RAB3IL1: variants seen among roughly 807,000 people sequenced by gnomAD.
RAB3IL1 encodes the protein RAB3A interacting protein like 1, also known as guanine nucleotide exchange factor for Rab-3A.
Under a neutral mutation model 49.2 loss-of-function variants are expected in RAB3IL1, and 37 were observed. The ratio of observed to expected loss-of-function variants is 0.75; its 90% CI spans 0.58 to 0.99. RAB3IL1 has a LOEUF of 0.99. Ranked by LOEUF, RAB3IL1 falls within the 50% of genes least tolerant of loss-of-function variation. The pLI is 0.00. For missense variants in RAB3IL1, 484 were observed against 513.0 expected, an observed-to-expected ratio of 0.94 and a Z score of 0.55; for synonymous variants, 193 against 213.9, an observed-to-expected ratio of 0.90 and a Z score of 0.85.
upstream of RAB3IL1, chr11:61,919,900 C>T (rs984395389): frequency 7.8e-5 from 39 of 497,128 alleles, no homozygotes; most frequent in East Asian, 1.4e-3. Context: ...GAGCTTCAGT[C>T]TCCACCTCTG....
Position 61,897,861 on chromosome 11 carries a change from C to CT in RAB3IL1, c.*416dup, listed in dbSNP as rs1280702289. On this transcript the variant is annotated 3_prime_UTR_variant, in exon 10 of 10. Coordinates refer to ENST00000394836, the MANE Select transcript of RAB3IL1 (RefSeq NM_013401.4). ...CTTGGCAGCTGGGGTGGAGGGTACCCTGGAGATCCAGCCACCCAGAACAGT... is the reference window on the plus strand; with the variant it reads ...CTTGGCAGCTGGGGTGGAGGGTACCCTTGGAGATCCAGCCACCCAGAACAGT... 5.9e-5 allele frequency: 10 copies of CT among 170,610 alleles called. No individual in the cohort carries two copies. The East Asian group carries it at 1.4e-3, about 24-fold the overall frequency. The allele number at this position is 170,610 out of a possible 1,614,324, so 10.6% of individuals were successfully genotyped here. A position where few individuals can be genotyped will look rare whatever the true frequency, so the allele number is the denominator to read the frequency against.
chr11:61,927,185 C>A, the RAB3IL1 span, among the ~76,000 whole-genome samples: 1 of 152,150 alleles, frequency 6.6e-6, no homozygotes, highest in South Asian at 2.1e-4. Context: ...CCCTCCATCT[C>A]TCTCTTTTTC....
chr11:61,901,564 C>T (rs1024641513), intron 8 of RAB3IL1, among the ~76,000 whole-genome samples: 11 of 152,366 alleles, frequency 7.2e-5, no homozygotes, highest in African/African-American at 2.6e-4. Flanking sequence ...CATCCCATGA[C>T]ATTTCATACA....
intron 4 of RAB3IL1, 40 bp downstream of exon 4, chr11:61,907,353 G>A (rs747372755): frequency 3.8e-5 from 61 of 1,601,568 alleles, no homozygotes; most frequent in Non-Finnish European, 5.1e-6. Flanking sequence ...AGGCAGGGGG[G>A]GTGCCTGGGC....
chr11:61,899,640 A>G (rs978036196), intron 8 of RAB3IL1: 20 of 433,756 alleles, frequency 4.6e-5, no homozygotes, highest in Admixed American at 1.8e-4. Context: ...TCCATCTTAC[A>G]TGGGGGAAAG....
chr11:61,906,975 G>A lies in RAB3IL1; in HGVS notation c.439-291C>T, dbSNP rs372207959. 3.9e-5 allele frequency among the ~76,000 whole-genome samples: 6 copies of A among 152,214 alleles called. No homozygotes were observed. Among genetic ancestry groups the A allele is most frequent in the African/African-American group, 7.2e-5 (3 of 41,460 alleles). Reference sequence around the variant, plus strand: ...GGCCTCCCATGAGAGTTCTGGGACCGCCCCCAGGAGCCAGGAAAGGCCCAG... The same window carrying A: ...GGCCTCCCATGAGAGTTCTGGGACCACCCCCAGGAGCCAGGAAAGGCCCAG... On this transcript the variant is annotated intron_variant, in intron 4 of 9. Transcript: ENST00000394836. The surrounding 1 kb of genome is among the most constrained non-coding windows in gnomAD (Gnocchi z 4.6).
intron 7 of RAB3IL1, 142 bp downstream of exon 7, chr11:61,904,404 A>C (rs1175603319): frequency 1.3e-5 from 11 of 864,624 alleles, no homozygotes; most frequent in Non-Finnish European, 1.9e-5. Context: ...AACCTGCCAA[A>C]CTGCCTCCTT....
chr11:61,907,356 G>A, intron 4 of RAB3IL1, 37 bp downstream of exon 4: 1 of 1,604,196 alleles, frequency 6.2e-7, no homozygotes, highest in East Asian at 2.2e-5. Flanking sequence ...CAGGGGGGGT[G>A]CCTGGGCTGG....
chr11:61,904,811 G>A lies in RAB3IL1; in HGVS notation c.729C>T (p.Phe243=), dbSNP rs748939226. The A allele has an allele frequency of 1.9e-6, 3 of 1,611,804 alleles. No individual in the cohort carries two copies. In the South Asian group the frequency reaches 3.3e-5, roughly 18 times the overall value. The change falls in exon 6 of 10, where the codon TTC becomes TTT. Residue 243 remains phenylalanine (F), a synonymous_variant. Coordinates refer to ENST00000394836, the MANE Select transcript of RAB3IL1 (RefSeq NM_013401.4). ...ESPTLDKTCP[F]LERVYREDVG... ...CGTCCTCTCGGTACACCCTTTCCAG[G>A]AAGGGGCAGGTCTTGTCCAGGGTGG...
chr11:61,900,305 C>T (rs1938839885), intron 8 of RAB3IL1, among the ~76,000 whole-genome samples: 1 of 152,240 alleles, frequency 6.6e-6, no homozygotes, highest in Admixed American at 6.5e-5. Context: ...CGGAACCCAG[C>T]CTAAGACAGG....
the RAB3IL1 span, among the ~76,000 whole-genome samples, chr11:61,936,593 C>T: frequency 9.9e-5 from 15 of 152,214 alleles, no homozygotes; most frequent in African/African-American, 2.9e-4. Context: ...CCACCCACCT[C>T]GACCTCCCAA....
the RAB3IL1 span, among the ~76,000 whole-genome samples, chr11:61,938,307 G>A: frequency 1.3e-5 from 2 of 152,136 alleles, no homozygotes; most frequent in African/African-American, 4.8e-5. Flanking sequence ...AAGCTAAGGT[G>A]GGAGGATGGA....
rs772287502 is a variant in RAB3IL1 at position 61,899,390 on chromosome 11, G to A, written c.1000-10C>T. On this transcript the variant is annotated splice_polypyrimidine_tract_variant and intron_variant, in intron 8 of 9. Transcript: ENST00000394836. ...TGCACACTGCGGTGATCTGTGGGCA[G>A]AGGTGGGGACGGTGTGACCTGCCAG... 1.3e-5 allele frequency: 21 copies of A among 1,608,004 alleles called. No homozygotes were observed. Among genetic ancestry groups the A allele is most frequent in the Middle Eastern group, 3.3e-4 (2 of 6,058 alleles).
chr11:61,898,481 C>T lies in RAB3IL1; in HGVS notation c.1067-121G>A, dbSNP rs1298686903. 4 of 781,548 alleles carry T rather than the reference C, an allele frequency of 5.1e-6. No homozygotes were observed. Among genetic ancestry groups the T allele is most frequent in the Non-Finnish European group, 8.6e-6 (4 of 462,592 alleles). The allele number at this position is 781,548 out of a possible 1,614,324, so 48.4% of individuals were successfully genotyped here. On this transcript the variant is annotated intron_variant, in intron 9 of 9. Coordinates refer to ENST00000394836, the MANE Select transcript of RAB3IL1 (RefSeq NM_013401.4). The surrounding 1 kb of genome is among the most constrained non-coding windows in gnomAD (Gnocchi z 5.1). ...GGCACAGCACCCTAGGGTCCCCGGCCCCCAAAACAGATGACCTCAGTGAGT... is the reference window on the plus strand; with the variant it reads ...GGCACAGCACCCTAGGGTCCCCGGCTCCCAAAACAGATGACCTCAGTGAGT...
At position 61,908,301 on chromosome 11, in the gene RAB3IL1, G is replaced by T; in HGVS notation, c.17C>A (p.Pro6His). The change falls in exon 2 of 10, where the codon CCC (proline) becomes CAC (histidine). Residue 6 changes from proline to histidine, a missense_variant. Pro to His is a moderately conservative substitution (Grantham distance 77, BLOSUM62 -2). Coordinates refer to ENST00000394836, the MANE Select transcript of RAB3IL1 (RefSeq NM_013401.4). MWSGP[P>H]QPDQGLPPPL... ...CGGCGGGAGGCCCTGGTCTGGCTGG[G>T]GTGGGCTGGAGACAAACAAGGGTAT... The T allele has an allele frequency of 1.4e-6, 2 of 1,474,758 alleles. No individual in the cohort carries two copies. Among genetic ancestry groups the T allele is most frequent in the Non-Finnish European group, 1.8e-6 (2 of 1,116,716 alleles). The allele number at this position is 1,474,758 out of a possible 1,614,324, so 91.4% of individuals were successfully genotyped here. A position where few individuals can be genotyped will look rare whatever the true frequency, so the allele number is the denominator to read the frequency against.
At chr11:61,909,031 C>A (rs1178041922) in intron 1 of RAB3IL1, among the ~76,000 whole-genome samples, 1 of 152,194 alleles carries the variant, frequency 6.6e-6, no homozygotes, top group Admixed American at 6.5e-5. Flanking sequence ...ATTCCGCCCC[C>A]ACCCACACTC....
chr11:61,920,352 T>C (rs757902336), upstream of RAB3IL1: 2 of 930,046 alleles, frequency 2.2e-6, no homozygotes, highest in Non-Finnish European at 2.8e-6. Context: ...AGCCGCTATC[T>C]CCTTCAACCC....
the RAB3IL1 span, among the ~76,000 whole-genome samples, chr11:61,936,652 A>C: frequency 6.6e-6 from 1 of 152,220 alleles, no homozygotes; most frequent in Non-Finnish European, 1.5e-5. Context: ...TGAAGAGAGA[A>C]TCTTGAAAAC....
At chr11:61,920,710 A>T (rs1397696652), upstream of RAB3IL1, among the ~76,000 whole-genome samples, 1 of 152,210 alleles carries the variant, frequency 6.6e-6, no homozygotes, top group African/African-American at 2.4e-5. Context: ...GATGACCTGA[A>T]GTCAGCAGTT....
Sources: gnomAD v4.1 joint callset for allele counts (sites outside exome capture counted in the v4.1 genomes callset) on GRCh38, gnomAD v4.1.1 for gene constraint, Gnocchi (gnomAD v3.1) non-coding constraint, MANE v1.5 for transcripts, NCBI Gene and HGNC (gene_info 2026-07-23, HGNC 2026-07-21) for gene names.